Variants in WDR33 observed in about 807,000 individuals in gnomAD.
WDR33 encodes WD repeat domain 33, also known as pre-mRNA 3' end processing protein WDR33.
In WDR33, 47 loss-of-function variants were observed where a neutral mutation model predicts 164.9. The ratio of observed to expected loss-of-function variants is 0.29; its 90% CI spans 0.23 to 0.36. The LOEUF is 0.36. WDR33 is among the 10% of genes least tolerant of loss of function. The pLI is 1.00. For synonymous variants in WDR33, 505 were observed against 589.0 expected, an observed-to-expected ratio of 0.86 and a Z score of 2.06; for missense variants, 1,137 against 1,754.1, an observed-to-expected ratio of 0.65 and a Z score of 6.28.
At chr2:127,749,079 T>G (rs1255807368) in intron 7 of WDR33, among the ~76,000 whole-genome samples, 1 of 152,210 alleles carries the variant, frequency 6.6e-6, no homozygotes, top group Non-Finnish European at 1.5e-5. Flanking sequence ...GGCTCACGCC[T>G]GTAATCCAGT....
Position 127,741,646 on chromosome 2 carries a change from G to A in WDR33, c.725-14869C>T, listed in dbSNP as rs1207197061. ...AATACAAACCACCATTCAAATCTCT[G>A]GACAACCAAGGGTCACTGCGTTATT... On this transcript the variant is annotated intron_variant, in intron 7 of 21. Coordinates refer to ENST00000322313, the MANE Select transcript of WDR33 (RefSeq NM_018383.5). The surrounding 1 kb of genome is among the most constrained non-coding windows in gnomAD (Gnocchi z 4.1). 6.6e-6 allele frequency among the ~76,000 whole-genome samples: 1 copy of A among 152,058 alleles called. No homozygotes were observed. The highest frequency in any genetic ancestry group is 1.5e-5 in the Non-Finnish European group (1 of 68,036).
At chr2:127,769,857 T>C (rs541363465) in intron 2 of WDR33, among the ~76,000 whole-genome samples, 1 of 152,300 alleles carries the variant, frequency 6.6e-6, no homozygotes, top group African/African-American at 2.4e-5. Flanking sequence ...TAGGTAATAT[T>C]AGTAATAAGG....
At chr2:127,732,684 A>G (rs1208901712) in intron 7 of WDR33, among the ~76,000 whole-genome samples, 1 of 152,188 alleles carries the variant, frequency 6.6e-6, no homozygotes, top group African/African-American at 2.4e-5. Context: ...GGTCCCAGGA[A>G]GATGTGCCTC....
chr2:127,741,249 T>A lies in WDR33; in HGVS notation c.725-14472A>T, dbSNP rs1687005970. 6.6e-6 allele frequency among the ~76,000 whole-genome samples: 1 copy of A among 151,908 alleles called. No homozygotes were observed. The highest frequency in any genetic ancestry group is 6.6e-5 in the Admixed American group (1 of 15,252). On this transcript the variant is annotated intron_variant, in intron 7 of 21. Coordinates refer to ENST00000322313, the MANE Select transcript of WDR33 (RefSeq NM_018383.5). This position sits in a 1 kb window ranked among gnomAD's most constrained non-coding sequence, Gnocchi z 4.1. ...GGCTGAAGAGTAAAGCAGCACAAAG[T>A]CTGCAGAAATGCCACGGATGACACT...
rs1159843792 is a variant in WDR33 at position 127,723,770 on chromosome 2, TAATAAA to T, written c.1197-429_1197-424del. Among the ~76,000 whole-genome samples, 4 of 150,860 alleles carry T rather than the reference TAATAAA, an allele frequency of 2.7e-5. No homozygotes were observed. The highest frequency in any genetic ancestry group is 7.3e-5 in the African/African-American group (3 of 40,930). On this transcript the variant is annotated intron_variant, in intron 11 of 21. Coordinates refer to ENST00000322313, the MANE Select transcript of WDR33 (RefSeq NM_018383.5). The surrounding 1 kb of genome is among the most constrained non-coding windows in gnomAD (Gnocchi z 5.9). Reference sequence around the variant, plus strand: ...AGTGAGACTCTGTCTCTTAAAATAATAATAAAAATAAAAATAAAATGTGGGGCCGGG... The same window carrying T: ...AGTGAGACTCTGTCTCTTAAAATAATAATAAAAATAAAATGTGGGGCCGGG...
intron 7 of WDR33, among the ~76,000 whole-genome samples, chr2:127,730,166 A>T (rs777970419): frequency 1.3e-5 from 2 of 152,360 alleles, no homozygotes; most frequent in Non-Finnish European, 1.5e-5. Flanking sequence ...AAAAAAATTT[A>T]CTAAACTTAC....
At position 127,735,732 on chromosome 2, in the gene WDR33, G is replaced by A; in HGVS notation, c.725-8955C>T. On this transcript the variant is annotated intron_variant, in intron 7 of 21. Transcript: ENST00000322313. This position sits in a 1 kb window ranked among gnomAD's most constrained non-coding sequence, Gnocchi z 4.3. ...AGCCAGATACTCCAGTTGGACAGAG[G>A]ATTTAAGATTTTAAAAAATTAAGAA... 7.1e-6 allele frequency: 7 copies of A among 985,524 alleles called. No homozygotes were observed. The highest frequency in any genetic ancestry group is 6.0e-6 in the Non-Finnish European group (5 of 829,922). The allele number at this position is 985,524 out of a possible 1,614,324, so 61.0% of individuals were successfully genotyped here. A position where few individuals can be genotyped will look rare whatever the true frequency, so the allele number is the denominator to read the frequency against.
rs573623671 is a variant in WDR33, at chr2:127,799,676, T to C, written c.-24+11336A>G. On this transcript the variant is annotated intron_variant, in intron 1 of 21. Coordinates refer to ENST00000322313, the MANE Select transcript of WDR33 (RefSeq NM_018383.5). Reference sequence around the variant, plus strand: ...CGGACATGGTGGCAGGCACCTGTAATCCCAGCTACTCAGGAGGCTGAAGCA... The same window carrying C: ...CGGACATGGTGGCAGGCACCTGTAACCCCAGCTACTCAGGAGGCTGAAGCA... 4.6e-5 allele frequency among the ~76,000 whole-genome samples: 7 copies of C among 152,238 alleles called. No individual in the cohort carries two copies. In the South Asian group the frequency reaches 1.5e-3, roughly 32 times the overall value.
intron 1 of WDR33, among the ~76,000 whole-genome samples, chr2:127,790,910 G>T (rs557892973): frequency 6.6e-6 from 1 of 152,152 alleles, no homozygotes; most frequent in South Asian, 2.1e-4. Context: ...AATTGTTCAC[G>T]ATATTCCCTT....
chr2:127,701,444 CA>C lies in WDR33; in HGVS notation c.*4878del, dbSNP rs1433155040. The stretch of plus-strand genomic sequence containing the variant: ...CCCTGCCCCTTTCGCCGTCGCCGAC[CA>C]ATTGCCGCCCGAAGACCGAACCGCT... On this transcript the variant is annotated 3_prime_UTR_variant, in exon 22 of 22. Transcript: ENST00000322313. 1 of 1,208,300 alleles carries C rather than the reference CA, an allele frequency of 8.3e-7. No individual in the cohort carries two copies. Among genetic ancestry groups the C allele is most frequent in the African/African-American group, 1.6e-5 (1 of 63,332 alleles). 74.8% of individuals were successfully genotyped at this position (1,208,300 alleles called of 1,614,324 possible).
At chr2:127,750,479 G>A (rs111463995) in intron 7 of WDR33, among the ~76,000 whole-genome samples, 19,800 of 148,394 alleles carry the variant, frequency 0.13, 1,424 homozygotes, top group South Asian at 0.25. Flanking sequence ...AAACCCCATC[G>A]CTACTTAAAA....
At chr2:127,754,533 C>T (rs2105421145) in intron 7 of WDR33, among the ~76,000 whole-genome samples, 1 of 152,072 alleles carries the variant, frequency 6.6e-6, no homozygotes, top group Non-Finnish European at 1.5e-5. Context: ...ATCCTCCTGC[C>T]TCAGCCTTCT....
intron 1 of WDR33, among the ~76,000 whole-genome samples, chr2:127,794,427 G>C (rs1047137735): frequency 3.3e-5 from 5 of 151,820 alleles, no homozygotes; most frequent in East Asian, 3.9e-4. Context: ...TTGAACTTGG[G>C]GGGGCAGAGG....
chr2:127,751,442 A>C (rs1468953707), intron 7 of WDR33, among the ~76,000 whole-genome samples: 4 of 149,540 alleles, frequency 2.7e-5, no homozygotes, highest in Non-Finnish European at 5.9e-5. Flanking sequence ...AAAAAAAAAA[A>C]AAAACAGGTT....
rs1401238549 is a variant in WDR33, at chr2:127,709,153, A to G, written c.3566-261T>C. ...TCAAATTACTGAGGACTCCTAAGAG[A>G]TTTTGTTAATGAGAGTTGTAACTGC... On this transcript the variant is annotated intron_variant, in intron 20 of 21. Transcript: ENST00000322313. The surrounding 1 kb of genome is among the most constrained non-coding windows in gnomAD (Gnocchi z 5.0). 6.6e-6 allele frequency among the ~76,000 whole-genome samples: 1 copy of G among 152,144 alleles called. No individual in the cohort carries two copies. The highest frequency in any genetic ancestry group is 1.5e-5 in the Non-Finnish European group (1 of 68,024).
rs556574499 is a variant in WDR33 at position 127,798,120 on chromosome 2, C to T, written c.-24+12892G>A. 3.0e-4 allele frequency among the ~76,000 whole-genome samples: 45 copies of T among 152,154 alleles called. 1 individual carries two copies. The highest frequency in any genetic ancestry group is 1.0e-3 in the African/African-American group (42 of 41,518). Reference sequence around the variant, plus strand: ...TGGTGGCTCATGTCTGTAATCCCAGCACTCTGGGAGGCCGAGGCAGGTGGA... The same window carrying T: ...TGGTGGCTCATGTCTGTAATCCCAGTACTCTGGGAGGCCGAGGCAGGTGGA... On this transcript the variant is annotated intron_variant, in intron 1 of 21. Coordinates refer to ENST00000322313, the MANE Select transcript of WDR33 (RefSeq NM_018383.5).
intron 4 of WDR33, among the ~76,000 whole-genome samples, chr2:127,767,601 G>A (rs972229422): frequency 6.6e-6 from 1 of 152,250 alleles, no homozygotes; most frequent in Non-Finnish European, 1.5e-5. Context: ...TGTAGTCCCA[G>A]CTACTAGGGA....
At chr2:127,787,690 G>C (rs1419891781) in intron 1 of WDR33, among the ~76,000 whole-genome samples, 4 of 92,300 alleles carry the variant, frequency 4.3e-5, no homozygotes, top group East Asian at 7.1e-4. Context: ...CCTCCCGGAC[G>C]GGGCGGCTGG....
chr2:127,726,780 G>C lies in WDR33; in HGVS notation c.725-3C>G. ...ACATTTCACATCAGCACCATGCCCT[G>C]TCGGAAACAAGTTAGGATTAAAACC... On this transcript the variant is annotated splice_polypyrimidine_tract_variant and splice_region_variant and intron_variant, in intron 7 of 21. Transcript: ENST00000322313. The surrounding 1 kb of genome is among the most constrained non-coding windows in gnomAD (Gnocchi z 4.8). The C allele has an allele frequency of 6.2e-7, 1 of 1,613,762 alleles. No individual in the cohort carries two copies. The highest frequency in any genetic ancestry group is 8.5e-7 in the Non-Finnish European group (1 of 1,179,900).
Sources: gnomAD v4.1 joint callset for allele counts (sites outside exome capture counted in the v4.1 genomes callset) on GRCh38, gnomAD v4.1.1 for gene constraint, Gnocchi (gnomAD v3.1) non-coding constraint, MANE v1.5 for transcripts, NCBI Gene and HGNC (gene_info 2026-07-23, HGNC 2026-07-21) for gene names.